ARNT: variants seen among roughly 807,000 people sequenced by gnomAD.
ARNT encodes class E basic helix-loop-helix protein 2.
A neutral mutation model predicts 105.0 loss-of-function variants in ARNT; 30 were observed. The ratio of observed to expected loss-of-function variants is 0.29; its 90% CI spans 0.21 to 0.39. The LOEUF is 0.39. ARNT is among the 10% of genes least tolerant of loss of function. The pLI is 1.00. For synonymous variants in ARNT, 304 were observed against 344.0 expected (o/e 0.88, Z 1.29); for missense variants, 748 against 978.7 (o/e 0.76, Z 3.15).
rs1654481183 is a variant in ARNT, at chr1:150,810,206, C to CA, written c.*1814dup. 4.3e-6 allele frequency: 1 copy of CA among 232,634 alleles called. No homozygotes were observed. Among genetic ancestry groups the CA allele is most frequent in the East Asian group, 6.0e-5 (1 of 16,568 alleles). The allele number at this position is 232,634 out of a possible 1,614,324, so 14.4% of individuals were successfully genotyped here. Reference sequence around the variant, plus strand: ...AATACAGAAATGGCCAACAAGAAAACAAAACAGTCAAAAATAAAACCCTGA... The same window carrying CA: ...AATACAGAAATGGCCAACAAGAAAACAAAAACAGTCAAAAATAAAACCCTGA... On this transcript the variant is annotated 3_prime_UTR_variant, in exon 22 of 22. Transcript: ENST00000358595.
In ARNT at chr1:150,811,026, C is replaced by G. The variant is rs1299237672; in HGVS notation, c.*995G>C. 1 of 231,184 alleles carries G rather than the reference C, an allele frequency of 4.3e-6. No homozygotes were observed. Among genetic ancestry groups the G allele is most frequent in the African/African-American group, 2.2e-5 (1 of 45,218 alleles). 14.3% of individuals were successfully genotyped at this position (231,184 alleles called of 1,614,324 possible). A position where few individuals can be genotyped will look rare whatever the true frequency, so the allele number is the denominator to read the frequency against. On this transcript the variant is annotated 3_prime_UTR_variant, in exon 22 of 22. Coordinates refer to ENST00000358595, the MANE Select transcript of ARNT (RefSeq NM_001668.4). ...AGTTTCCATGCAGAAATAACCTCTACAGAACACACATCATATGTGATTCTG... is the reference window on the plus strand; with the variant it reads ...AGTTTCCATGCAGAAATAACCTCTAGAGAACACACATCATATGTGATTCTG...
Position 150,811,961 on chromosome 1 carries a change from G to A in ARNT, c.*60C>T. On this transcript the variant is annotated 3_prime_UTR_variant, in exon 22 of 22. Coordinates refer to ENST00000358595, the MANE Select transcript of ARNT (RefSeq NM_001668.4). ...TTTTATTCTGTTTACAGAAAGATTT[G>A]CTTTTTAAAAACAAACAGTGATTTT... 7.8e-7 allele frequency: 1 copy of A among 1,285,936 alleles called. No individual in the cohort carries two copies. Among genetic ancestry groups the A allele is most frequent in the Non-Finnish European group, 1.0e-6 (1 of 957,750 alleles). The allele number at this position is 1,285,936 out of a possible 1,614,324, so 79.7% of individuals were successfully genotyped here.
Position 150,813,302 on chromosome 1 carries a change from G to A in ARNT, c.2150C>T (p.Thr717Ile). 1 of 1,613,526 alleles carries A rather than the reference G, an allele frequency of 6.2e-7. No individual in the cohort carries two copies. The highest frequency in any genetic ancestry group is 8.5e-7 in the Non-Finnish European group (1 of 1,179,768). The change falls in exon 21 of 22, where the codon ACA becomes ATA. Residue 717 changes from threonine (T) to isoleucine (I), a missense_variant. Thr to Ile is a moderately conservative substitution (Grantham distance 89). Around this residue, in one of 4 missense-constraint regions of ARNT, gnomAD observed 360 missense variants for 411.9 expected, o/e 0.87. Transcript: ENST00000358595. ...ETGQTAGQFQ[T>I]RTAEGVGVWP... ...GACACCCACACCCTCTGCTGTCCGTGTCTGGAATTGTCCTGCAGTCTGTCC... is the reference window on the plus strand; with the variant it reads ...GACACCCACACCCTCTGCTGTCCGTATCTGGAATTGTCCTGCAGTCTGTCC...
Position 150,829,144 on chromosome 1 carries a change from G to A in ARNT, c.1116C>T (p.Ile372=), listed in dbSNP as rs1177448013. ...EFISRHNIEG[I]FTFVDHRCVA... is the part of the protein sequence containing the mutation. ...CACAGCGGTGATCCACAAAAGTGAA[G>A]ATACCCTCAATGTTGTGTCGGGAGA... Residue 372 remains isoleucine (I), a synonymous_variant, in exon 12 of 22, where the codon ATC becomes ATT. Coordinates refer to ENST00000358595, the MANE Select transcript of ARNT (RefSeq NM_001668.4). 1 of 1,614,190 alleles carries A rather than the reference G, an allele frequency of 6.2e-7. No homozygotes were observed. The highest frequency in any genetic ancestry group is 1.7e-5 in the Admixed American group (1 of 60,024).
At chr1:150,851,239 G>A (rs1167216779) in intron 3 of ARNT, among the ~76,000 whole-genome samples, 1 of 147,372 alleles carries the variant, frequency 6.8e-6, no homozygotes, top group East Asian at 2.1e-4. Context: ...CCGGGAGGGT[G>A]GTGGGGGCGC....
chr1:150,826,218 GA>G (rs1468459641), intron 13 of ARNT, among the ~76,000 whole-genome samples: 8 of 151,982 alleles, frequency 5.3e-5, no homozygotes, highest in African/African-American at 1.9e-4. Flanking sequence ...CCCAGACGAG[GA>G]AAACATCTAT....
At position 150,812,085 on chromosome 1, in the gene ARNT, T is replaced by C; in HGVS notation, c.2306A>G (p.Gln769Arg). The C allele has an allele frequency of 6.4e-7, 1 of 1,574,326 alleles. No homozygotes were observed. Among genetic ancestry groups the C allele is most frequent in the Non-Finnish European group, 8.6e-7 (1 of 1,157,846 alleles). Residue 769 changes from glutamine to arginine, a missense_variant, in exon 22 of 22, where the codon CAG becomes CGG. This residue lies in a region of ARNT where 360 missense variants were observed against 411.9 expected (regional missense o/e 0.87). Coordinates refer to ENST00000358595, the MANE Select transcript of ARNT (RefSeq NM_001668.4). ...FQEMLSMLGD[Q>R]SNSYNNEEFP... ...TTCTTCATTGTTGTAGCTGTTGCTC[T>C]GATCTCCCAGCATGGACAGCATCTC...
At chr1:150,813,778 G>A (rs1655247576) in intron 20 of ARNT, among the ~76,000 whole-genome samples, 1 of 151,954 alleles carries the variant, frequency 6.6e-6, no homozygotes, top group Non-Finnish European at 1.5e-5. Flanking sequence ...CCGAGTAGCT[G>A]GAATTACAGG....
intron 2 of ARNT, among the ~76,000 whole-genome samples, chr1:150,855,557 G>A (rs587733110): frequency 1.4e-4 from 21 of 151,642 alleles, no homozygotes; most frequent in East Asian, 7.7e-4. Flanking sequence ...GCGAGACTCC[G>A]TCTCAAAAAA....
rs1037914334 is a variant in ARNT, at chr1:150,810,314, T to C, written c.*1707A>G. On this transcript the variant is annotated 3_prime_UTR_variant, in exon 22 of 22. Coordinates refer to ENST00000358595, the MANE Select transcript of ARNT (RefSeq NM_001668.4). ...AAGCCCTATAATAACTGTACAATAT[T>C]ATAGTCCTGATCACATTTAAAAAGT... is the stretch of plus-strand genomic sequence containing the variant. 4.3e-6 allele frequency: 1 copy of C among 231,540 alleles called. No homozygotes were observed. Among genetic ancestry groups the C allele is most frequent in the Non-Finnish European group, 8.6e-6 (1 of 116,646 alleles). 14.3% of individuals were successfully genotyped at this position (231,540 alleles called of 1,614,324 possible). A position where few individuals can be genotyped will look rare whatever the true frequency, so the allele number is the denominator to read the frequency against.
At chr1:150,813,856 C>T (rs1035778368) in intron 20 of ARNT, among the ~76,000 whole-genome samples, 1 of 152,054 alleles carries the variant, frequency 6.6e-6, no homozygotes, top group African/African-American at 2.4e-5. Context: ...GAACTCCCAA[C>T]CTCAAGTGAT....
intron 1 of ARNT, among the ~76,000 whole-genome samples, chr1:150,867,864 G>A (rs759857728): frequency 6.6e-6 from 1 of 152,078 alleles, no homozygotes; most frequent in Non-Finnish European, 1.5e-5. Context: ...CCAGCCATGT[G>A]AAGACATGCT....
intron 1 of ARNT, among the ~76,000 whole-genome samples, chr1:150,861,559 T>C (rs1665645410): frequency 6.6e-6 from 1 of 152,158 alleles, no homozygotes. Context: ...CCTGTAAGGC[T>C]AGCACTTTAA....
chr1:150,839,701 C>A lies in ARNT; in HGVS notation c.273-47G>T. On this transcript the variant is annotated intron_variant, in intron 5 of 21. Transcript: ENST00000358595. ...CCCCATCCAGGTGGTCACATCTGGT[C>A]ATTTGGTAGCAGGGAGAGTGATATG... The A allele has an allele frequency of 2.6e-6, 4 of 1,550,988 alleles. No individual in the cohort carries two copies. In the South Asian group the frequency reaches 3.5e-5, roughly 13 times the overall value.
intron 1 of ARNT, among the ~76,000 whole-genome samples, chr1:150,860,631 AT>A (rs1018263668): frequency 2.0e-5 from 3 of 151,968 alleles, no homozygotes; most frequent in Non-Finnish European, 2.9e-5. Flanking sequence ...CAAGGCGGGC[AT>A]ATCACCTGAG....
intron 2 of ARNT, among the ~76,000 whole-genome samples, chr1:150,855,514 A>C (rs1664435003): frequency 6.6e-6 from 1 of 152,086 alleles, no homozygotes; most frequent in Non-Finnish European, 1.5e-5. Context: ...GTGAGCCAAG[A>C]TCGCATCACC....
At chr1:150,875,882 G>A (rs1173169830) in intron 1 of ARNT, among the ~76,000 whole-genome samples, 2 of 152,122 alleles carry the variant, frequency 1.3e-5, no homozygotes, top group African/African-American at 2.4e-5. Flanking sequence ...AGACCTGTCC[G>A]GAACCATAAC....
rs1557841480 is a variant in ARNT, at chr1:150,813,169, T to C, written c.2280+3A>G. 8.1e-6 allele frequency: 13 copies of C among 1,611,920 alleles called. No individual in the cohort carries two copies. The highest frequency in any genetic ancestry group is 1.1e-5 in the Non-Finnish European group (13 of 1,179,046). On this transcript the variant is annotated splice_donor_region_variant and intron_variant, in intron 21 of 21. Coordinates refer to ENST00000358595, the MANE Select transcript of ARNT (RefSeq NM_001668.4). ...ATTTTTGAAAGTCTTTTCACTCTCTTACCTGGAAGACCTCAGGCTGGCCAG... is the reference window on the plus strand; with the variant it reads ...ATTTTTGAAAGTCTTTTCACTCTCTCACCTGGAAGACCTCAGGCTGGCCAG...
intron 7 of ARNT, 32 bp from the exon 8 acceptor site, chr1:150,834,672 G>A (rs1375876720): frequency 6.3e-7 from 1 of 1,590,048 alleles, no homozygotes; most frequent in African/African-American, 1.3e-5. Context: ...AGTCTGGAGT[G>A]CATTTTTGTG....
Sources: gnomAD v4.1 joint callset for allele counts (sites outside exome capture counted in the v4.1 genomes callset) on GRCh38, gnomAD v4.1.1 for gene constraint, gnomAD v4.1.1 regional missense constraint, MANE v1.5 for transcripts, NCBI Gene and HGNC (gene_info 2026-07-23, HGNC 2026-07-21) for gene names.